TPRG1: variants seen among roughly 807,000 people sequenced by gnomAD.
The protein encoded by TPRG1 is tumor protein p63 regulated 1, also known as tumor protein p63-regulated gene 1 protein.
Under a neutral mutation model 29.3 loss-of-function variants are expected in TPRG1, and 29 were observed. The ratio of observed to expected loss-of-function variants is 0.99; its 90% confidence interval spans 0.74 to 1.35. The LOEUF is 1.35. Among genes scored for constraint, TPRG1 ranks in the 40% most tolerant of loss-of-function variants. The pLI is 0.00. For synonymous variants in TPRG1, 130 were observed against 116.8 expected (o/e 1.11, Z -0.73); for missense variants, 327 against 335.0 (o/e 0.98, Z 0.19).
At chr3:189,148,026 T>C (rs1725476140) in intron 4 of TPRG1, among the ~76,000 whole-genome samples, 1 of 152,188 alleles carries the variant, frequency 6.6e-6, no homozygotes, top group Admixed American at 6.5e-5. Context: ...TAGCAGCATA[T>C]AGGGAATACA....
upstream of TPRG1, among the ~76,000 whole-genome samples, chr3:189,170,164 C>A (rs933551802): frequency 6.6e-6 from 1 of 152,188 alleles, no homozygotes. Flanking sequence ...TTTGTGCCCC[C>A]ACCCTGAGCT....
At chr3:189,060,517 A>G (rs1167625877) in intron 4 of TPRG1, among the ~76,000 whole-genome samples, 1 of 152,210 alleles carries the variant, frequency 6.6e-6, no homozygotes, top group East Asian at 1.9e-4. Flanking sequence ...CTGTTTGTGG[A>G]AGACATCATT....
chr3:189,276,549 T>C (rs985502912), intron 4 of TPRG1, among the ~76,000 whole-genome samples: 3 of 152,166 alleles, frequency 2.0e-5, no homozygotes, highest in African/African-American at 7.2e-5. Flanking sequence ...TTTTTTCTCC[T>C]GGAAAATTCC....
chr3:189,313,584 C>A (rs974912822), intron 5 of TPRG1, among the ~76,000 whole-genome samples: 11 of 152,120 alleles, frequency 7.2e-5, no homozygotes. Context: ...TCTAATGGAA[C>A]AAATTATTAT....
At chr3:189,279,372 A>T (rs1369807141) in intron 4 of TPRG1, among the ~76,000 whole-genome samples, 1 of 152,202 alleles carries the variant, frequency 6.6e-6, no homozygotes, top group Admixed American at 6.5e-5. Context: ...GACATCAGGA[A>T]TGTTCTCTAA....
intron 4 of TPRG1, among the ~76,000 whole-genome samples, chr3:189,302,522 G>A (rs7640560): frequency 0.11 from 16,112 of 152,224 alleles, 949 homozygotes; most frequent in East Asian, 0.19. Flanking sequence ...AGTGTCTGCC[G>A]AAGTATGACT....
intron 3 of TPRG1, among the ~76,000 whole-genome samples, chr3:189,013,205 C>T (rs1230089970): frequency 6.6e-6 from 1 of 152,116 alleles, no homozygotes; most frequent in Non-Finnish European, 1.5e-5. Context: ...CTCAGAGATT[C>T]TGGTACTTTG....
At chr3:189,185,850 A>G (rs1211280519) in intron 1 of TPRG1, among the ~76,000 whole-genome samples, 3 of 152,232 alleles carry the variant, frequency 2.0e-5, no homozygotes, top group African/African-American at 4.8e-5. Flanking sequence ...GAAAAACCAT[A>G]TGGTATGTAT....
At chr3:189,255,814 C>T (rs1226533498) in intron 4 of TPRG1, among the ~76,000 whole-genome samples, 6 of 152,074 alleles carry the variant, frequency 3.9e-5, no homozygotes, top group South Asian at 2.1e-4. Flanking sequence ...TTTGCATAGA[C>T]GTGTTCATAG....
chr3:189,180,156 T>C (rs916489332), intron 1 of TPRG1, among the ~76,000 whole-genome samples: 1 of 152,128 alleles, frequency 6.6e-6, no homozygotes, highest in African/African-American at 2.4e-5. Context: ...TGCCCCATGA[T>C]TCAGTTACCT....
At chr3:189,209,021 G>A (rs950345134) in intron 2 of TPRG1, among the ~76,000 whole-genome samples, 1 of 152,144 alleles carries the variant, frequency 6.6e-6, no homozygotes, top group Non-Finnish European at 1.5e-5. Flanking sequence ...TGGACAAACT[G>A]GAATGTCTGG....
chr3:189,158,657 G>A (rs1437133314), intron 5 of TPRG1, among the ~76,000 whole-genome samples: 1 of 152,010 alleles, frequency 6.6e-6, no homozygotes, highest in East Asian at 1.9e-4. Flanking sequence ...ATTGCAATGG[G>A]AAGAGCAGAC....
intron 4 of TPRG1, among the ~76,000 whole-genome samples, chr3:189,307,442 G>T (rs146678831): frequency 6.6e-6 from 1 of 152,300 alleles, no homozygotes; most frequent in East Asian, 1.9e-4. Flanking sequence ...ATTTAAGAAT[G>T]CATAGTTTGT....
intron 1 of TPRG1, among the ~76,000 whole-genome samples, chr3:189,110,898 A>G (rs2152207272): frequency 6.6e-6 from 1 of 151,662 alleles, no homozygotes; most frequent in South Asian, 2.1e-4. Context: ...TGGAGTCTCC[A>G]CTGTGTTCAT....
At chr3:189,193,131 AAT>A (rs1731960694) in intron 1 of TPRG1, among the ~76,000 whole-genome samples, 2 of 76,564 alleles carry the variant, frequency 2.6e-5, no homozygotes, top group African/African-American at 5.2e-5. Context: ...TTTGACTTTT[AAT>A]TTTTTTTTTT....
chr3:189,216,405 G>A (rs1454222117), intron 3 of TPRG1, among the ~76,000 whole-genome samples: 1 of 152,146 alleles, frequency 6.6e-6, no homozygotes, highest in Non-Finnish European at 1.5e-5. Context: ...ATGGAAAGTA[G>A]AGCCATTATC....
At chr3:189,277,527 C>G (rs2109116769) in intron 4 of TPRG1, among the ~76,000 whole-genome samples, 1 of 152,100 alleles carries the variant, frequency 6.6e-6, no homozygotes, top group African/African-American at 2.4e-5. Context: ...ATTTTTGATT[C>G]AAGTCTTACC....
At chr3:189,250,218 GCT>G (rs1741949823) in intron 4 of TPRG1, among the ~76,000 whole-genome samples, 1 of 152,100 alleles carries the variant, frequency 6.6e-6, no homozygotes, top group African/African-American at 2.4e-5. Context: ...AGTGTAAAGG[GCT>G]TTCTCTGGCC....
intron 1 of TPRG1, among the ~76,000 whole-genome samples, chr3:189,112,844 G>GCC (rs1720702916): frequency 6.6e-6 from 1 of 152,164 alleles, no homozygotes; most frequent in Non-Finnish European, 1.5e-5. Context: ...GCTTAGGTTT[G>GCC]ACTTGGCGTT....
Sources: gnomAD v4.1 joint callset for allele counts (sites outside exome capture counted in the v4.1 genomes callset) on GRCh38, gnomAD v4.1.1 for gene constraint, MANE v1.5 for transcripts, NCBI Gene and HGNC (gene_info 2026-07-23, HGNC 2026-07-21) for gene names.